Variants in GNA12 observed in about 807,000 individuals in gnomAD.
The protein encoded by GNA12 is guanine nucleotide-binding protein subunit alpha-12.
A neutral mutation model predicts 26.0 loss-of-function variants in GNA12; 9 were observed. The observed-to-expected ratio is 0.35, with a 90% CI of 0.21 to 0.60. The LOEUF is 0.60. GNA12 is among the 20% of genes least tolerant of loss of function. GNA12 has a pLI of 0.78. For missense variants in GNA12, 405 were observed against 525.8 expected, an observed-to-expected ratio of 0.77 and a Z score of 2.25; for synonymous variants, 264 against 219.6, an observed-to-expected ratio of 1.20 and a Z score of -1.79.
At chr7:2,837,381 G>C (rs1387414621) in intron 1 of GNA12, among the ~76,000 whole-genome samples, 1 of 152,200 alleles carries the variant, frequency 6.6e-6, no homozygotes, top group South Asian at 2.1e-4. Context: ...CCGTATGTCA[G>C]AGTCCCAGAA....
chr7:2,825,224 G>C (rs1407548397), intron 1 of GNA12, among the ~76,000 whole-genome samples: 2 of 152,186 alleles, frequency 1.3e-5, no homozygotes, highest in African/African-American at 4.8e-5. Context: ...GAATCCTGGG[G>C]CGTGGGAGGG....
At chr7:2,809,579 T>C (rs1379593542) in intron 1 of GNA12, among the ~76,000 whole-genome samples, 5 of 152,238 alleles carry the variant, frequency 3.3e-5, no homozygotes, top group African/African-American at 9.6e-5. Flanking sequence ...TTTTCGTATG[T>C]CAAAGACAAA....
chr7:2,770,471 G>C (rs907490266), intron 2 of GNA12, among the ~76,000 whole-genome samples: 1 of 152,084 alleles, frequency 6.6e-6, no homozygotes, highest in African/African-American at 2.4e-5. Context: ...TTAAGTTAGA[G>C]TTAGCTAGGC....
intron 1 of GNA12, among the ~76,000 whole-genome samples, chr7:2,809,693 C>T (rs1793033121): frequency 6.6e-6 from 1 of 151,968 alleles, no homozygotes; most frequent in African/African-American, 2.4e-5. Flanking sequence ...AAAAGATCAG[C>T]CAAAAAGACA....
At chr7:2,790,345 G>A (rs540862815) in intron 2 of GNA12, among the ~76,000 whole-genome samples, 6 of 152,292 alleles carry the variant, frequency 3.9e-5, no homozygotes, top group African/African-American at 1.4e-4. Flanking sequence ...TGGAACTCCT[G>A]GGCTCAAGTG....
intron 2 of GNA12, among the ~76,000 whole-genome samples, chr7:2,745,317 T>A (rs1310578367): frequency 6.6e-6 from 1 of 152,230 alleles, no homozygotes; most frequent in African/African-American, 2.4e-5. Context: ...TAACAGCTGA[T>A]CTCTTGGCAG....
chr7:2,759,193 T>TAAAAA (rs1208696022), intron 2 of GNA12, among the ~76,000 whole-genome samples: 1 of 149,366 alleles, frequency 6.7e-6, no homozygotes, highest in Non-Finnish European at 1.5e-5. Flanking sequence ...ATAAATAAAA[T>TAAAAA]AAAAATAAAA....
At chr7:2,762,288 G>A (rs1042037789) in intron 2 of GNA12, 5 of 252,284 alleles carry the variant, frequency 2.0e-5, no homozygotes, top group African/African-American at 4.4e-5. Context: ...TGCACATGGC[G>A]GGGCCGGCGT....
At chr7:2,742,756 T>C (rs1016548908) in intron 2 of GNA12, among the ~76,000 whole-genome samples, 43 of 152,266 alleles carry the variant, frequency 2.8e-4, no homozygotes, top group Non-Finnish European at 1.2e-4. Context: ...CATCTTCCCT[T>C]AGATTTATTC....
chr7:2,763,465 C>G (rs1791671800), intron 2 of GNA12: 1 of 152,322 alleles, frequency 6.6e-6, no homozygotes, highest in African/African-American at 2.4e-5. Flanking sequence ...GAAAAGCTCC[C>G]CGAGCTCCCT....
chr7:2,779,895 G>T (rs984731035), intron 2 of GNA12, among the ~76,000 whole-genome samples: 1 of 151,808 alleles, frequency 6.6e-6, no homozygotes, highest in Non-Finnish European at 1.5e-5. Flanking sequence ...AGCAGGCTTG[G>T]CGAATAATAC....
At chr7:2,735,516 C>T (rs1258963698) in intron 2 of GNA12, among the ~76,000 whole-genome samples, 2 of 152,182 alleles carry the variant, frequency 1.3e-5, no homozygotes, top group African/African-American at 4.8e-5. Flanking sequence ...AGGGCACAAT[C>T]AGGACAAGCT....
At chr7:2,783,702 T>TTTATTTATTTATTTA (rs1562426080) in intron 2 of GNA12, among the ~76,000 whole-genome samples, 1 of 101,166 alleles carries the variant, frequency 9.9e-6, no homozygotes, top group African/African-American at 3.9e-5. Flanking sequence ...TTATTTATTT[T>TTTATTTATTTATTTA]GAGATGTAGT....
chr7:2,843,121 TAA>T (rs763792901), intron 1 of GNA12, among the ~76,000 whole-genome samples: 6 of 151,656 alleles, frequency 4.0e-5, no homozygotes, highest in Non-Finnish European at 7.4e-5. Flanking sequence ...AACAGAAAAG[TAA>T]AAAGAGACTC....
Position 2,730,203 on chromosome 7 carries a change from G to C in GNA12, c.*978C>G, listed in dbSNP as rs1789816940. 1 of 152,400 alleles carries C rather than the reference G, an allele frequency of 6.6e-6. No individual in the cohort carries two copies. 9.4% of individuals were successfully genotyped at this position (152,400 alleles called of 1,614,324 possible). On this transcript the variant is annotated 3_prime_UTR_variant, in exon 4 of 4. Coordinates refer to ENST00000275364, the MANE Select transcript of GNA12 (RefSeq NM_007353.3). ...GCCTTGCCAGCTTTCTGAAGCCCCA[G>C]AAGAGGAATGTTTCTGAAAGAAGGA...
At chr7:2,837,335 C>T (rs1778866858) in intron 1 of GNA12, among the ~76,000 whole-genome samples, 1 of 152,188 alleles carries the variant, frequency 6.6e-6, no homozygotes, top group African/African-American at 2.4e-5. Context: ...CACAGGGTCT[C>T]AGAGACCCGG....
intron 2 of GNA12, chr7:2,775,177 C>A (rs1378759166): frequency 6.6e-6 from 1 of 152,244 alleles, no homozygotes; most frequent in Non-Finnish European, 1.5e-5. Flanking sequence ...AGCTCCCTAG[C>A]TCTCCTTTCT....
chr7:2,839,740 G>A lies in GNA12; in HGVS notation c.309+4113C>T, dbSNP rs558706639. On this transcript the variant is annotated intron_variant, in intron 1 of 3. Coordinates refer to ENST00000275364, the MANE Select transcript of GNA12 (RefSeq NM_007353.3). Reference sequence around the variant, plus strand: ...TTAAAGAACAGAGGCGGGGCACGGCGTCTCACATCTGGCACTTTGGGAGGC... The same window carrying A: ...TTAAAGAACAGAGGCGGGGCACGGCATCTCACATCTGGCACTTTGGGAGGC... 7.9e-5 allele frequency among the ~76,000 whole-genome samples: 12 copies of A among 152,262 alleles called. No individual in the cohort carries two copies. The South Asian group carries it at 2.1e-3, about 26-fold the overall frequency.
chr7:2,818,958 G>T (rs1343094150), intron 1 of GNA12, among the ~76,000 whole-genome samples: 1 of 152,152 alleles, frequency 6.6e-6, no homozygotes, highest in Non-Finnish European at 1.5e-5. Flanking sequence ...GATGGCCGGG[G>T]GTATTCATCA....
Sources: allele counts gnomAD v4.1 joint callset (sites outside exome capture counted in the v4.1 genomes callset), GRCh38; gene constraint gnomAD v4.1.1; transcripts MANE v1.5; gene names NCBI Gene and HGNC (gene_info 2026-07-23, HGNC 2026-07-21).